The following PCDH11X variants were observed in gnomAD, a reference collection of about 807,000 sequenced individuals.
The protein encoded by PCDH11X is protocadherin 11 X-linked.
A neutral mutation model predicts 53.3 loss-of-function variants in PCDH11X; 18 were observed. That is an observed-to-expected ratio of 0.34 (90% CI 0.23 to 0.50). The LOEUF (loss-of-function observed/expected upper bound fraction) is 0.50. PCDH11X is among the 20% of genes least tolerant of loss of function. The pLI, the probability that PCDH11X is intolerant of heterozygous loss-of-function variation, is 0.98. For missense variants in PCDH11X, 570 were observed against 1,032.4 expected (o/e 0.55, Z 6.14); for synonymous variants, 279 against 393.3 (o/e 0.71, Z 3.44).
At chrX:91,953,917 G>A (rs900406124) in intron 6 of PCDH11X, among the ~76,000 whole-genome samples, 52 of 109,449 alleles carry the variant, frequency 4.8e-4, no homozygotes, top group Admixed American at 7.8e-4. Context: ...AAAGTTGACC[G>A]TATTATGAAC....
chrX:91,983,952 G>C (rs1486920233), intron 6 of PCDH11X, among the ~76,000 whole-genome samples: 1 of 110,539 alleles, frequency 9.0e-6, no homozygotes, highest in Non-Finnish European at 1.9e-5. Context: ...AGTTACATTC[G>C]AAGTCTTTAG....
chrX:91,897,930 C>A (rs1378622788), intron 6 of PCDH11X, among the ~76,000 whole-genome samples: 2 of 111,937 alleles, frequency 1.8e-5, no homozygotes, highest in Admixed American at 1.9e-4. Context: ...GTGCTAGGCA[C>A]ACTGAAAAGC....
intron 9 of PCDH11X, among the ~76,000 whole-genome samples, chrX:92,446,931 G>A (rs1488054520): frequency 1.8e-5 from 2 of 111,610 alleles, no homozygotes; most frequent in Admixed American, 9.6e-5. Context: ...GTGTCAGATG[G>A]AAATGAGGAA....
intron 5 of PCDH11X, among the ~76,000 whole-genome samples, chrX:91,873,333 A>G (rs1052938736): frequency 9.2e-6 from 1 of 108,875 alleles, no homozygotes; most frequent in Admixed American, 9.9e-5. Flanking sequence ...TAGTGCAAGT[A>G]GGAACTGATG....
chrX:92,297,171 TA>T (rs760318270), intron 8 of PCDH11X, among the ~76,000 whole-genome samples: 1 of 110,611 alleles, frequency 9.0e-6, no homozygotes, highest in Non-Finnish European at 1.9e-5. Flanking sequence ...ATTTGCCAAT[TA>T]TTTTTTTGTC....
intron 8 of PCDH11X, among the ~76,000 whole-genome samples, chrX:92,334,982 G>A (rs1291793335): frequency 9.1e-6 from 1 of 109,691 alleles, no homozygotes; most frequent in Non-Finnish European, 1.9e-5. Flanking sequence ...TCAGGTGTAA[G>A]AAGGGCTGGT....
chrX:92,219,550 A>T (rs2148351406), intron 7 of PCDH11X, among the ~76,000 whole-genome samples: 1 of 108,482 alleles, frequency 9.2e-6, no homozygotes, highest in East Asian at 2.9e-4. Flanking sequence ...ATAAAAGAGG[A>T]TACAAACAAA....
intron 10 of PCDH11X, among the ~76,000 whole-genome samples, chrX:92,476,200 T>G (rs1452036983): frequency 1.8e-5 from 2 of 111,306 alleles, no homozygotes; most frequent in Non-Finnish European, 3.8e-5. Flanking sequence ...AACTTTGCTC[T>G]TCCTTGCCTT....
intron 6 of PCDH11X, among the ~76,000 whole-genome samples, chrX:91,944,322 G>GAA (rs369442347): frequency 1.5e-4 from 11 of 74,807 alleles, no homozygotes; most frequent in Admixed American, 4.7e-4. Context: ...CTATACTCCA[G>GAA]AAAAAAAAAA....
chrX:92,618,427 G>C lies in PCDH11X; in HGVS notation c.3531G>C (p.Leu1177=), dbSNP rs753383692. ...QASALCHSPP[L]SQASTQHHSP... is the part of the protein sequence containing the mutation. ...CTGCTCTATGCCACAGCCCACCACT[G>C]TCACAGGCCTCTACTCAGCACCACA... Residue 1177 remains leucine, a synonymous_variant, in exon 11 of 11, where the codon CTG becomes CTC. Coordinates refer to ENST00000682573, the MANE Select transcript of PCDH11X (RefSeq NM_032968.5). The C allele has an allele frequency of 1.7e-6, 2 of 1,209,138 alleles. No individual in the cohort carries two copies. The highest frequency in any genetic ancestry group is 2.2e-6 in the Non-Finnish European group (2 of 894,965).
chrX:92,014,865 T>C (rs1479065779), intron 6 of PCDH11X, among the ~76,000 whole-genome samples: 1 of 110,211 alleles, frequency 9.1e-6, no homozygotes, highest in Non-Finnish European at 1.9e-5. Context: ...AAGTGGAACA[T>C]CACACACCAG....
At chrX:92,485,899 G>A (rs2073631134) in intron 10 of PCDH11X, among the ~76,000 whole-genome samples, 1 of 110,831 alleles carries the variant, frequency 9.0e-6, no homozygotes, top group African/African-American at 3.3e-5. Flanking sequence ...TTTTTATGTA[G>A]TAGAACACAG....
intron 6 of PCDH11X, among the ~76,000 whole-genome samples, chrX:91,955,764 T>C (rs1346937574): frequency 2.7e-5 from 3 of 112,140 alleles, no homozygotes; most frequent in Non-Finnish European, 5.6e-5. Context: ...TTTCTGTAGA[T>C]TTCTATTAGG....
intron 10 of PCDH11X, among the ~76,000 whole-genome samples, chrX:92,520,100 G>C (rs765607538): frequency 9.2e-6 from 1 of 109,279 alleles, no homozygotes; most frequent in South Asian, 4.0e-4. Context: ...ATAAAGGAGA[G>C]AAATAGAAAG....
intron 6 of PCDH11X, among the ~76,000 whole-genome samples, chrX:92,189,087 T>C (rs377644417): frequency 2.7e-5 from 3 of 110,946 alleles, no homozygotes; most frequent in Admixed American, 1.9e-4. Context: ...CTAGGGTACA[T>C]GTGCAGGATG....
At chrX:91,942,906 T>A (rs2147858388) in intron 6 of PCDH11X, among the ~76,000 whole-genome samples, 1 of 107,464 alleles carries the variant, frequency 9.3e-6, no homozygotes, top group Admixed American at 1.0e-4. Flanking sequence ...CTCTTTAAAA[T>A]CTATCAATAT....
chrX:92,222,618 A>G (rs1016548837), intron 7 of PCDH11X, among the ~76,000 whole-genome samples: 1 of 112,103 alleles, frequency 8.9e-6, no homozygotes, highest in Admixed American at 9.5e-5. Context: ...TTCCACTCAT[A>G]TTGATACTCT....
At chrX:92,509,971 T>C (rs1196985356) in intron 10 of PCDH11X, among the ~76,000 whole-genome samples, 1 of 110,476 alleles carries the variant, frequency 9.1e-6, no homozygotes, top group African/African-American at 3.3e-5. Context: ...TAATAAACAA[T>C]TGGAGTGAGA....
intron 1 of PCDH11X, among the ~76,000 whole-genome samples, chrX:91,789,235 G>T (rs1336008738): frequency 3.1e-5 from 3 of 97,372 alleles, no homozygotes; most frequent in African/African-American, 1.1e-4. Context: ...AAAAGAAAAA[G>T]AAAAAGAAAA....
Sources: allele counts gnomAD v4.1 joint callset (sites outside exome capture counted in the v4.1 genomes callset), GRCh38; gene constraint gnomAD v4.1.1; transcripts MANE v1.5; gene names NCBI Gene and HGNC (gene_info 2026-07-23, HGNC 2026-07-21).